Variants in TTN observed in about 807,000 individuals in gnomAD.
TTN encodes the protein connectin.
A neutral mutation model predicts 3,223.0 loss-of-function variants in TTN; 1,525 were observed. The ratio of observed to expected loss-of-function variants is 0.47; its 90% CI spans 0.45 to 0.49. The LOEUF is 0.49. Among genes scored for constraint, TTN ranks in the 20% least tolerant of loss-of-function variants. The probability of loss-of-function intolerance (pLI) is 0.00; values close to 1 mark genes in which losing one functional copy is unlikely to be tolerated. For synonymous variants in TTN, 14,094 were observed against 15,161.0 expected (o/e 0.93, Z 5.17); for missense variants, 40,786 against 43,424.0 (o/e 0.94, Z 5.40).
At position 178,601,398 on chromosome 2, in the gene TTN, A is replaced by C; in HGVS notation, c.55599T>G (p.Cys18533Trp). The C allele has an allele frequency of 6.2e-7, 1 of 1,612,812 alleles. No individual in the cohort carries two copies. Among genetic ancestry groups the C allele is most frequent in the Non-Finnish European group, 8.5e-7 (1 of 1,179,304 alleles). Reference sequence around the variant, plus strand: ...CAGGCACTACAAATGTGGTGCTTCCACAGTCTGGATTGACTTTGGTCCAGG... The same window carrying C: ...CAGGCACTACAAATGTGGTGCTTCCCCAGTCTGGATTGACTTTGGTCCAGG... The part of the protein sequence containing the change: ...GKAWTKVNPD[C>W]GSTTFVVPDL... The change falls in exon 287 of 363, where the codon TGT (cysteine) becomes TGG (tryptophan). Residue 18533 changes from cysteine (C) to tryptophan (W), a missense_variant. Coordinates refer to ENST00000589042, the MANE Select transcript of TTN (RefSeq NM_001267550.2).
intron 342 of TTN, 45 bp downstream of exon 342, chr2:178,546,167 C>A (rs184851433): frequency 1.9e-6 from 3 of 1,587,986 alleles, no homozygotes; most frequent in Non-Finnish European, 2.6e-6. Context: ...TTTCTGCCCA[C>A]ACTGGAAAAT....
intron 165 of TTN, among the ~76,000 whole-genome samples, chr2:178,665,135 C>G (rs2065688822): frequency 6.6e-6 from 1 of 152,032 alleles, no homozygotes; most frequent in African/African-American, 2.4e-5. Flanking sequence ...TCTCGCGACA[C>G]TCTACACTCT....
rs769525101 is a variant in TTN at position 178,579,370 on chromosome 2, C to G, written c.67660G>C (p.Gly22554Arg). The change falls in exon 320 of 363, where the codon GGT becomes CGT. Residue 22554 changes from glycine (G) to arginine (R), a missense_variant. By Grantham distance (125) the Gly-to-Arg change is moderately radical. Transcript: ENST00000589042. ...DVVAPDLDLK[G>R]LPDLCYLAKE... is the part of the protein sequence containing the mutation. ...GCCAAGTAGCACAAATCAGGTAGAC[C>G]CTTTAAGTCAAGATCAGGAGCCACT... The G allele has an allele frequency of 3.8e-6, 6 of 1,580,110 alleles. No individual in the cohort carries two copies. Among genetic ancestry groups the G allele is most frequent in the Admixed American group, 3.6e-5 (2 of 55,234 alleles).
chr2:178,707,121 A>G (rs2076001478), intron 100 of TTN, among the ~76,000 whole-genome samples, 167 bp from the exon 101 acceptor site: 1 of 152,218 alleles, frequency 6.6e-6, no homozygotes, highest in Non-Finnish European at 1.5e-5. Flanking sequence ...CTTCTCAGAC[A>G]TTTATGCTAA....
chr2:178,535,570 A>G lies in TTN; in HGVS notation c.101045T>C (p.Val33682Ala), dbSNP rs768803095. 2 of 1,613,892 alleles carry G rather than the reference A, an allele frequency of 1.2e-6. No individual in the cohort carries two copies. The highest frequency in any genetic ancestry group is 1.1e-5 in the South Asian group (1 of 91,086). ...KNRFGIDQKT[V>A]ELDVADVPDP... ...AGGAACATCAGCCACATCCAGTTCA[A>G]CTGTCTTCTGATCAATTCCAAATCT... Residue 33682 changes from valine (V) to alanine (A), a missense_variant, in exon 358 of 363, where the codon GTT becomes GCT. Coordinates refer to ENST00000589042, the MANE Select transcript of TTN (RefSeq NM_001267550.2).
rs1131691381 is a variant in TTN at position 178,605,696 on chromosome 2, C to A, written c.53599G>T (p.Glu17867Ter). 2.6e-6 allele frequency: 4 copies of A among 1,547,782 alleles called. No individual in the cohort carries two copies. The highest frequency in any genetic ancestry group is 1.4e-5 in the African/African-American group (1 of 73,116). The change falls in exon 279 of 363, where the codon GAG becomes TAG. Residue 17867 changes from glutamate to a stop codon, truncating the protein, a stop_gained. Transcript: ENST00000589042. LOFTEE classifies it high-confidence loss of function. ...GTCCTTTCAGTGTATGTGAGCCTCT[C>A]TGGAGATGTTGGAGGACCTTTAGCC... ...VDPLGPPTSP[E>*]RLTYTERTKS...
rs756470925 is a variant in TTN at position 178,723,128 on chromosome 2, T to A, written c.21879A>T (p.Thr7293=). The change falls in exon 75 of 363, where the codon ACA becomes ACT. Residue 7293 remains threonine, a synonymous_variant. Coordinates refer to ENST00000589042, the MANE Select transcript of TTN (RefSeq NM_001267550.2). ...KTCILEILNS[T]KRDAGQYSCE... is the part of the protein sequence containing the mutation. ...AGGAATACTGCCCTGCATCTCTTTT[T>A]GTGCTATTCAGAATTTCCAGGATAC... is the stretch of plus-strand genomic sequence containing the variant. 4 of 1,613,644 alleles carry A rather than the reference T, an allele frequency of 2.5e-6. No individual in the cohort carries two copies.
At position 178,584,554 on chromosome 2, in the gene TTN, G is replaced by A. The variant is rs1396380194; in HGVS notation, c.64997C>T (p.Ala21666Val). 4.3e-6 allele frequency: 7 copies of A among 1,612,326 alleles called. No homozygotes were observed. In the African/African-American group the frequency reaches 6.7e-5, roughly 15 times the overall value. ...GTCCTTGTTGACTTTGGTGACTCGT[G>A]CATTCTTTGGTTCACTAGGAACACC... Reference protein sequence around the residue: ...PFGVPSEPKNARVTKVNKDCI... With the variant: ...PFGVPSEPKNVRVTKVNKDCI... Residue 21666 changes from alanine (A) to valine (V), a missense_variant, in exon 311 of 363, where the codon GCA becomes GTA. Physicochemically the swap from Ala to Val is moderately conservative, Grantham distance 64. Transcript: ENST00000589042.
Position 178,530,097 on chromosome 2 carries a change from T to G in TTN, c.106394A>C (p.Lys35465Thr), listed in dbSNP as rs1408549737. 2 of 1,603,950 alleles carry G rather than the reference T, an allele frequency of 1.2e-6. No individual in the cohort carries two copies. The highest frequency in any genetic ancestry group is 1.7e-6 in the Non-Finnish European group (2 of 1,177,446). ...KDGKAITQGG[K>T]YKLSEDKGGF... ...TCCCTTGTCTTCAGAGAGTTTATAT[T>G]TACCTCCTTGTGTAATGGCCTGTAG... is the stretch of plus-strand genomic sequence containing the variant. Residue 35465 changes from lysine (K) to threonine (T), a missense_variant, in exon 359 of 363, where the codon AAA (lysine) becomes ACA (threonine). Physicochemically the swap from Lys to Thr is moderately conservative, Grantham distance 78. Coordinates refer to ENST00000589042, the MANE Select transcript of TTN (RefSeq NM_001267550.2).
Position 178,587,307 on chromosome 2 carries a change from T to C in TTN, c.63904A>G (p.Ile21302Val). Residue 21302 changes from isoleucine to valine, a missense_variant, in exon 307 of 363, where the codon ATC becomes GTC. Physicochemically the swap from Ile to Val is conservative, Grantham distance 29. Coordinates refer to ENST00000589042, the MANE Select transcript of TTN (RefSeq NM_001267550.2). ...CTGTCTGCCTCACGTTTCTCCACGA[T>C]ATAATGTGTCACTTGGCTCCCACCG... ...NDGGSQVTHY[I>V]VEKREADRKT... 1 of 1,613,030 alleles carries C rather than the reference T, an allele frequency of 6.2e-7. No individual in the cohort carries two copies. The highest frequency in any genetic ancestry group is 8.5e-7 in the Non-Finnish European group (1 of 1,179,438).
rs727505024 is a variant in TTN at position 178,552,158 on chromosome 2, C to T, written c.90742G>A (p.Val30248Ile). ...KADSVILSWD[V>I]PEDNGGGEIT... ...TCTCCTCCTCCATTATCTTCAGGTA[C>T]ATCCCATGACAGGATGACACTATCA... The change falls in exon 335 of 363, where the codon GTA (valine) becomes ATA (isoleucine). Residue 30248 changes from valine to isoleucine, a missense_variant. Coordinates refer to ENST00000589042, the MANE Select transcript of TTN (RefSeq NM_001267550.2). The T allele has an allele frequency of 1.9e-5, 30 of 1,613,698 alleles. No individual in the cohort carries two copies. The Admixed American group carries it at 5.0e-4, about 27-fold the overall frequency.
At chr2:178,778,485 C>A in intron 24 of TTN, 2 of 311,722 alleles carry the variant, frequency 6.4e-6, no homozygotes, top group Non-Finnish European at 6.1e-6. Context: ...AATGCTGGCA[C>A]CACCGCTTAC....
chr2:178,804,790 G>T, intron 1 of TTN, 135 bp from the exon 2 acceptor site: 1 of 768,594 alleles, frequency 1.3e-6, no homozygotes. Context: ...GTGATGGGCA[G>T]GTCTTCTCTT....
chr2:178,762,584 T>C (rs2089493528), intron 43 of TTN, among the ~76,000 whole-genome samples: 1 of 152,222 alleles, frequency 6.6e-6, no homozygotes, highest in Non-Finnish European at 1.5e-5. Flanking sequence ...ATGTTTATAT[T>C]AAAAAATTCC....
Position 178,609,404 on chromosome 2 carries a change from C to T in TTN, c.51906G>A (p.Arg17302=), listed in dbSNP as rs771939605. The T allele has an allele frequency of 1.6e-5, 26 of 1,612,282 alleles. No individual in the cohort carries two copies. Among genetic ancestry groups the T allele is most frequent in the Non-Finnish European group, 2.2e-5 (26 of 1,179,044 alleles). ...EIKKRAAPLV[R]RRKGEVQEEE... ...CTTCTTGAACTTCACCCTTCCTTCT[C>T]CTAACCAAGGGTGCTGCACGCTTCT... The change falls in exon 273 of 363, where the codon AGG becomes AGA. Residue 17302 remains arginine, a synonymous_variant. Coordinates refer to ENST00000589042, the MANE Select transcript of TTN (RefSeq NM_001267550.2).
rs781459488 is a variant in TTN, at chr2:178,773,555, G to A, written c.7501C>T (p.Arg2501Ter). The change falls in exon 32 of 363, where the codon CGA becomes TGA. Residue 2501 changes from arginine to a stop codon, truncating the protein, a stop_gained. Coordinates refer to ENST00000589042, the MANE Select transcript of TTN (RefSeq NM_001267550.2). LOFTEE classifies it high-confidence loss of function. ...GCATGAGTTCGGTTAATGACTAGTC[G>A]CTGTTTAGTACCTTTCACAATGGCC... is the stretch of plus-strand genomic sequence containing the variant. ...VQAIVKGTKQ[R>*]LVINRTHASD... The A allele has an allele frequency of 1.2e-6, 2 of 1,613,934 alleles. No homozygotes were observed. The highest frequency in any genetic ancestry group is 1.7e-6 in the Non-Finnish European group (2 of 1,179,954).
rs878913368 is a variant in TTN, at chr2:178,533,183, C to T, written c.103432G>A (p.Asp34478Asn). 2 of 1,613,790 alleles carry T rather than the reference C, an allele frequency of 1.2e-6. No homozygotes were observed. Among genetic ancestry groups the T allele is most frequent in the Non-Finnish European group, 1.7e-6 (2 of 1,179,868 alleles). Residue 34478 changes from aspartate to asparagine, a missense_variant, in exon 358 of 363, where the codon GAC becomes AAC. Asp to Asn is a conservative substitution (Grantham distance 23, BLOSUM62 1). Transcript: ENST00000589042. ...ATTTCAGCCATTCTGAGGGTTTTGT[C>T]AATTTGTTTTTGTACGTGTCGCTCA... ...EHERHVQKQI[D>N]KTLRMAEILS... is the part of the protein sequence containing the mutation.
Position 178,739,331 on chromosome 2 carries a change from C to T in TTN, c.13902G>A (p.Glu4634=). The part of the protein sequence containing the change: ...HLTTSITNAK[E]VNWYFENKLV... Reference sequence around the variant, plus strand: ...GTTTATTCTCAAAATACCAATTCACCTCTTTAGCATTTGTTATGGATGTTG... The same window carrying T: ...GTTTATTCTCAAAATACCAATTCACTTCTTTAGCATTTGTTATGGATGTTG... The change falls in exon 48 of 363, where the codon GAG becomes GAA. Residue 4634 remains glutamate, a synonymous_variant. Transcript: ENST00000589042. 1 of 1,613,704 alleles carries T rather than the reference C, an allele frequency of 6.2e-7. No individual in the cohort carries two copies. The highest frequency in any genetic ancestry group is 8.5e-7 in the Non-Finnish European group (1 of 1,179,770).
Position 178,568,702 on chromosome 2 carries a change from C to A in TTN, c.77430G>T (p.Gln25810His). ...CTTCTATTTTCAAATCTTGGCCAAC[C>A]TGTACACTGTAACTACTGAATGCAG... ...VKPAFSSYSV[Q>H]VGQDLKIEVP... The change falls in exon 326 of 363, where the codon CAG (glutamine) becomes CAT (histidine). Residue 25810 changes from glutamine (Q) to histidine (H), a missense_variant. Transcript: ENST00000589042. 6.2e-7 allele frequency: 1 copy of A among 1,613,318 alleles called. No homozygotes were observed. Among genetic ancestry groups the A allele is most frequent in the Non-Finnish European group, 8.5e-7 (1 of 1,179,566 alleles).
Sources: allele counts gnomAD v4.1 joint callset (sites outside exome capture counted in the v4.1 genomes callset), GRCh38; gene constraint gnomAD v4.1.1; transcripts MANE v1.5; gene names NCBI Gene and HGNC (gene_info 2026-07-23, HGNC 2026-07-21).